The following PVR variants were observed in gnomAD, a reference collection of about 807,000 sequenced individuals.
PVR encodes the protein PVR cell adhesion molecule.
In PVR, 39 loss-of-function variants were observed where a neutral mutation model predicts 43.3. The observed-to-expected ratio is 0.90, with a 90% CI of 0.70 to 1.18. The LOEUF is 1.18. Ranked by LOEUF, PVR falls within the 50% of genes most tolerant of loss-of-function variation. PVR has a pLI of 0.00. For missense variants in PVR, 480 were observed against 549.7 expected (o/e 0.87, Z 1.27); for synonymous variants, 224 against 233.2 (o/e 0.96, Z 0.36).
chr19:44,662,762 A>G lies in PVR; in HGVS notation c.*951A>G, dbSNP rs1973620476. ...AAGCCTTTACTGCATAGCAGACCACACAGAAGGGTGTGGGCCACCAGAGAA... is the reference window on the plus strand; with the variant it reads ...AAGCCTTTACTGCATAGCAGACCACGCAGAAGGGTGTGGGCCACCAGAGAA... On this transcript the variant is annotated 3_prime_UTR_variant, in exon 8 of 8. Coordinates refer to ENST00000425690, the MANE Select transcript of PVR (RefSeq NM_006505.5). The G allele has an allele frequency of 6.6e-6, 1 of 152,204 alleles. No homozygotes were observed. Among genetic ancestry groups the G allele is most frequent in the Non-Finnish European group, 1.5e-5 (1 of 68,060 alleles). 9.4% of individuals were successfully genotyped at this position (152,204 alleles called of 1,614,324 possible).
chr19:44,657,958 G>A (rs754101418), intron 5 of PVR, 48 bp downstream of exon 5: 36 of 1,590,788 alleles, frequency 2.3e-5, no homozygotes, highest in Admixed American at 1.1e-4. Context: ...GGAAGAGGTC[G>A]AGGCAGGGTT....
chr19:44,658,717 A>G (rs1033236334), intron 5 of PVR, 25 bp from the exon 6 acceptor site: 2 of 1,574,124 alleles, frequency 1.3e-6, no homozygotes, highest in Non-Finnish European at 1.7e-6. Context: ...TTCCTTACCT[A>G]AATACCTGTT....
intron 3 of PVR, among the ~76,000 whole-genome samples, chr19:44,652,001 A>G (rs931452150): frequency 2.0e-5 from 3 of 152,010 alleles, no homozygotes; most frequent in African/African-American, 7.2e-5. Flanking sequence ...ACTAAAAAAT[A>G]CAAAAATTAG....
chr19:44,653,974 G>GATGCTC lies in PVR; in HGVS notation c.800_805dup (p.Ala268_Arg269insHisAla). 6.2e-7 allele frequency: 1 copy of GATGCTC among 1,614,198 alleles called. No homozygotes were observed. The highest frequency in any genetic ancestry group is 8.5e-7 in the Non-Finnish European group (1 of 1,180,012). On this transcript the variant is annotated inframe_insertion, in exon 4 of 8. Coordinates refer to ENST00000425690, the MANE Select transcript of PVR (RefSeq NM_006505.5). Reference sequence around the variant, plus strand: ...CCAGAATGAGGCCACCCTGACCTGCGATGCTCGCAGCAACCCAGAGCCCAC... The same window carrying GATGCTC: ...CCAGAATGAGGCCACCCTGACCTGCGATGCTCATGCTCGCAGCAACCCAGAGCCCAC...
chr19:44,646,123 A>G (rs1020910452), intron 1 of PVR, among the ~76,000 whole-genome samples: 2 of 152,218 alleles, frequency 1.3e-5, no homozygotes, highest in Non-Finnish European at 2.9e-5. Flanking sequence ...TGAAGCACCC[A>G]GAATAGCCCC....
Position 44,658,847 on chromosome 19 carries a change from A to T in PVR, c.1097A>T (p.Tyr366Phe). ...CTGCTGGGGATCGGGATTTATTTCT[A>T]TTGGTCCAAATGTTCCCGTGAGGTC... Reference protein sequence around the residue: ...LILLGIGIYFYWSKCSREVLW... With the variant: ...LILLGIGIYFFWSKCSREVLW... Residue 366 changes from tyrosine to phenylalanine, a missense_variant, in exon 6 of 8, where the codon TAT (tyrosine) becomes TTT (phenylalanine). By Grantham distance (22) the Tyr-to-Phe change is conservative. Coordinates refer to ENST00000425690, the MANE Select transcript of PVR (RefSeq NM_006505.5). 6.2e-7 allele frequency: 1 copy of T among 1,613,936 alleles called. No individual in the cohort carries two copies. Among genetic ancestry groups the T allele is most frequent in the Non-Finnish European group, 8.5e-7 (1 of 1,179,988 alleles).
Position 44,650,083 on chromosome 19 carries a change from G to A in PVR, c.702G>A (p.Leu234=). 1.3e-6 allele frequency: 2 copies of A among 1,541,596 alleles called. No individual in the cohort carries two copies. Among genetic ancestry groups the A allele is most frequent in the Admixed American group, 2.0e-5 (1 of 50,296 alleles). ...EHESFEKPQL[L]TVNLTVYYPP... Reference sequence around the variant, plus strand: ...AGAGCTTTGAGAAGCCTCAGCTGCTGACTGTGAACCTCACCGTGTACTGTG... The same window carrying A: ...AGAGCTTTGAGAAGCCTCAGCTGCTAACTGTGAACCTCACCGTGTACTGTG... The change falls in exon 3 of 8, where the codon CTG becomes CTA. Residue 234 remains leucine (L), a synonymous_variant. Transcript: ENST00000425690.
rs781404203 is a variant in PVR, at chr19:44,647,217, C to T, written c.80-6C>T. On this transcript the variant is annotated splice_polypyrimidine_tract_variant and splice_region_variant and intron_variant, in intron 1 of 7. Transcript: ENST00000425690. ...GGTCTGACACCTTCTCTTCGGTTCTCCGCAGGGGACGTCGTCGTGCAGGCG... is the reference window on the plus strand; with the variant it reads ...GGTCTGACACCTTCTCTTCGGTTCTTCGCAGGGGACGTCGTCGTGCAGGCG... 2.0e-6 allele frequency: 3 copies of T among 1,531,120 alleles called. No individual in the cohort carries two copies. In the South Asian group the frequency reaches 3.7e-5, roughly 19 times the overall value. 94.8% of individuals were successfully genotyped at this position (1,531,120 alleles called of 1,614,324 possible).
At chr19:44,655,508 A>G (rs1418296629) in intron 4 of PVR, among the ~76,000 whole-genome samples, 1 of 152,234 alleles carries the variant, frequency 6.6e-6, no homozygotes, top group Non-Finnish European at 1.5e-5. Context: ...AGCCACCTCC[A>G]GAAATACCCA....
chr19:44,657,255 G>A (rs35739046), intron 4 of PVR, among the ~76,000 whole-genome samples: 23,681 of 152,202 alleles, frequency 0.16, 1,992 homozygotes, highest in East Asian at 0.35. Context: ...ATGCAGAGGC[G>A]GGAGCAAAGG....
Position 44,644,002 on chromosome 19 carries a change from C to A in PVR, c.-95C>A. 8 of 1,060,016 alleles carry A rather than the reference C, an allele frequency of 7.5e-6. No individual in the cohort carries two copies. In the South Asian group the frequency reaches 1.3e-4, roughly 17 times the overall value. The allele number at this position is 1,060,016 out of a possible 1,614,324, so 65.7% of individuals were successfully genotyped here. ...CCCCGGGGATTCCAGGACCTGAGCT[C>A]CGGGAGCTGGACTCGCAGCGACCGC... On this transcript the variant is annotated 5_prime_UTR_variant, in exon 1 of 8. Coordinates refer to ENST00000425690, the MANE Select transcript of PVR (RefSeq NM_006505.5).
In PVR at chr19:44,666,088, C is replaced by T. The variant is rs1973709791; in HGVS notation, c.*4277C>T. On this transcript the variant is annotated 3_prime_UTR_variant, in exon 8 of 8. Transcript: ENST00000425690. The stretch of plus-strand genomic sequence containing the variant: ...ACTACCTCTGTCTGGGTGGTTGGAA[C>T]ATGTTTGAATTTTATTCTAAGTACT... 1 of 152,170 alleles carries T rather than the reference C, an allele frequency of 6.6e-6. No individual in the cohort carries two copies. The highest frequency in any genetic ancestry group is 2.1e-4 in the South Asian group (1 of 4,832). 9.4% of individuals were successfully genotyped at this position (152,170 alleles called of 1,614,324 possible).
chr19:44,651,689 T>G (rs1285923152), intron 3 of PVR, among the ~76,000 whole-genome samples: 1 of 152,100 alleles, frequency 6.6e-6, no homozygotes, highest in African/African-American at 2.4e-5. Context: ...CTGTCCTGAT[T>G]CTCCTGCACA....
chr19:44,646,729 G>A (rs1222036945), intron 1 of PVR, among the ~76,000 whole-genome samples: 2 of 151,916 alleles, frequency 1.3e-5, no homozygotes, highest in South Asian at 2.1e-4. Context: ...CAGAGATCGC[G>A]CCACTGCACT....
Position 44,647,562 on chromosome 19 carries a change from G to C in PVR, c.419G>C (p.Arg140Pro), listed in dbSNP as rs761919860. The change falls in exon 2 of 8, where the codon CGA (arginine) becomes CCA (proline). Residue 140 changes from arginine (R) to proline (P), a missense_variant. Transcript: ENST00000425690. ...AGCAGGAGCGTGGATATCTGGCTCC[G>C]AGTGCTTGGTGAGCAGGGGGTTTTG... The part of the protein sequence containing the change: ...QGSRSVDIWL[R>P]VLAKPQNTAE... 3.7e-6 allele frequency: 6 copies of C among 1,608,592 alleles called. No homozygotes were observed. Among genetic ancestry groups the C allele is most frequent in the Middle Eastern group, 1.6e-4 (1 of 6,062 alleles).
chr19:44,656,026 C>T (rs529839049), intron 4 of PVR, among the ~76,000 whole-genome samples: 12 of 152,122 alleles, frequency 7.9e-5, no homozygotes, highest in South Asian at 4.2e-4. Flanking sequence ...CACACCACCA[C>T]GCCTGGCTAA....
intron 6 of PVR, among the ~76,000 whole-genome samples, chr19:44,659,293 A>G (rs1054620797): frequency 2.0e-5 from 3 of 152,086 alleles, no homozygotes; most frequent in Non-Finnish European, 4.4e-5. Context: ...AAAGGGTCTG[A>G]TGCTTTCACA....
At chr19:44,647,086 C>T in intron 1 of PVR, 137 bp from the exon 2 acceptor site, 1 of 444,904 alleles carries the variant, frequency 2.2e-6, no homozygotes. Context: ...TTCCCCCTCC[C>T]CCCACACCCC....
At position 44,650,009 on chromosome 19, in the gene PVR, C is replaced by T; in HGVS notation, c.628C>T (p.Pro210Ser). Residue 210 changes from proline to serine, a missense_variant, in exon 3 of 8, where the codon CCC becomes TCC. Physicochemically the swap from Pro to Ser is moderately conservative, Grantham distance 74. Coordinates refer to ENST00000425690, the MANE Select transcript of PVR (RefSeq NM_006505.5). Reference protein sequence around the residue: ...VTVTSLWILVPSSQVDGKNVT... With the variant: ...VTVTSLWILVSSSQVDGKNVT... Reference sequence around the variant, plus strand: ...TGTCACCAGCCTCTGGATATTGGTGCCCTCAAGCCAGGTGGACGGCAAGAA... The same window carrying T: ...TGTCACCAGCCTCTGGATATTGGTGTCCTCAAGCCAGGTGGACGGCAAGAA... 1 of 1,603,806 alleles carries T rather than the reference C, an allele frequency of 6.2e-7. No homozygotes were observed. The highest frequency in any genetic ancestry group is 8.5e-7 in the Non-Finnish European group (1 of 1,174,210).
Sources: gnomAD v4.1 joint callset for allele counts (sites outside exome capture counted in the v4.1 genomes callset) on GRCh38, gnomAD v4.1.1 for gene constraint, MANE v1.5 for transcripts, NCBI Gene and HGNC (gene_info 2026-07-23, HGNC 2026-07-21) for gene names.